Variants in C2CD2 observed in about 807,000 individuals in gnomAD.
C2CD2 encodes the protein C2 domain-containing protein 2.
Under a neutral mutation model 74.3 loss-of-function variants are expected in C2CD2, and 43 were observed. The observed-to-expected ratio is 0.58, with a 90% CI of 0.45 to 0.75. The LOEUF (loss-of-function observed/expected upper bound fraction) is 0.75. Ranked by LOEUF, C2CD2 falls within the 30% of genes least tolerant of loss-of-function variation. C2CD2 has a pLI of 0.00. For missense variants in C2CD2, 801 were observed against 916.3 expected, an observed-to-expected ratio of 0.87 and a Z score of 1.63; for synonymous variants, 422 against 390.7, an observed-to-expected ratio of 1.08 and a Z score of -0.94.
In C2CD2 at chr21:41,952,951, A is replaced by C. The variant is rs145657307; in HGVS notation, c.279+419T>G. On this transcript the variant is annotated intron_variant, in intron 1 of 13. Transcript: ENST00000380486. ...GTCTTTGGAGATAAATTCTTGGTGAAATTCAGCTCTATGAGAGGCGGAAGC... is the reference window on the plus strand; with the variant it reads ...GTCTTTGGAGATAAATTCTTGGTGACATTCAGCTCTATGAGAGGCGGAAGC... 2.3e-3 allele frequency: 402 copies of C among 176,036 alleles called. 2 individuals are homozygous for C. The highest frequency in any genetic ancestry group is 9.1e-3 in the African/African-American group (390 of 42,626). 10.9% of individuals were successfully genotyped at this position (176,036 alleles called of 1,614,324 possible).
intron 3 of C2CD2, 57 bp from the exon 4 acceptor site, chr21:41,919,017 C>T (rs1017897444): frequency 3.7e-5 from 46 of 1,241,510 alleles, no homozygotes; most frequent in African/African-American, 1.8e-4. Context: ...TTAATGTGCA[C>T]GTGCGTGTGC....
intron 13 of C2CD2, among the ~76,000 whole-genome samples, chr21:41,890,599 G>A (rs972878253): frequency 7.9e-5 from 12 of 152,214 alleles, no homozygotes; most frequent in African/African-American, 2.7e-4. Context: ...AAGAAGACAG[G>A]TCTGATCATC....
At chr21:41,921,011 A>G (rs2065149017) in intron 3 of C2CD2, among the ~76,000 whole-genome samples, 1 of 152,210 alleles carries the variant, frequency 6.6e-6, no homozygotes, top group Admixed American at 6.5e-5. Flanking sequence ...CACCTCTTCA[A>G]TTCCCTCAAA....
At chr21:41,921,537 T>C (rs939646114) in intron 3 of C2CD2, among the ~76,000 whole-genome samples, 6 of 152,196 alleles carry the variant, frequency 3.9e-5, no homozygotes, top group African/African-American at 1.4e-4. Context: ...ATAAAAATAA[T>C]AAGGGGGTTC....
At position 41,907,146 on chromosome 21, in the gene C2CD2, A is replaced by G. The variant is rs1178457112; in HGVS notation, c.1164T>C (p.Gly388=). ...VTAEFSYMEP[G]ELKSWPIPPP... ...GAGGGATGGGCCAGGATTTCAATTC[A>G]CCAGGTTCCATGTAAGAGAACTGCA... Residue 388 remains glycine (G), a synonymous_variant, in exon 10 of 14, where the codon GGT becomes GGC. Coordinates refer to ENST00000380486, the MANE Select transcript of C2CD2 (RefSeq NM_015500.2). The G allele has an allele frequency of 1.2e-6, 2 of 1,614,046 alleles. No homozygotes were observed. The highest frequency in any genetic ancestry group is 1.7e-5 in the Admixed American group (1 of 60,012).
chr21:41,951,354 C>T lies in C2CD2; in HGVS notation c.279+2016G>A, dbSNP rs117855191. Among the ~76,000 whole-genome samples the T allele has an allele frequency of 9.7e-4, 138 of 141,706 alleles. 1 individual carries two copies. In the East Asian group the frequency reaches 0.03, roughly 30 times the overall value. The allele number at this position is 141,706 out of a possible 152,430, so 93.0% of individuals were successfully genotyped here. A position where few individuals can be genotyped will look rare whatever the true frequency, so the allele number is the denominator to read the frequency against. On this transcript the variant is annotated intron_variant, in intron 1 of 13. Transcript: ENST00000380486. ...CATTCCCAGGCATCAGGGCTGTGTTCCCCCACCCCCGTCCCCAGGAAAGTA... is the reference window on the plus strand; with the variant it reads ...CATTCCCAGGCATCAGGGCTGTGTTTCCCCACCCCCGTCCCCAGGAAAGTA...
intron 6 of C2CD2, 41 bp downstream of exon 6, chr21:41,914,557 G>C (rs374934745): frequency 1.3e-6 from 2 of 1,597,544 alleles, no homozygotes; most frequent in South Asian, 2.2e-5. Flanking sequence ...TCAGGGGCTG[G>C]AAGAGCCCCT....
intron 13 of C2CD2, among the ~76,000 whole-genome samples, chr21:41,897,017 G>A (rs778356516): frequency 6.6e-5 from 10 of 152,200 alleles, no homozygotes; most frequent in African/African-American, 1.4e-4. Context: ...CCGAGCCTCC[G>A]GCAAGTTCTG....
chr21:41,941,685 C>G (rs138430872), intron 2 of C2CD2, among the ~76,000 whole-genome samples: 19 of 152,312 alleles, frequency 1.2e-4, no homozygotes, highest in Non-Finnish European at 2.5e-4. Flanking sequence ...CTACAACTAT[C>G]ACCACCATCA....
intron 2 of C2CD2, among the ~76,000 whole-genome samples, chr21:41,927,447 C>T (rs13052308): frequency 0.23 from 34,585 of 151,804 alleles, 5,012 homozygotes; most frequent in Non-Finnish European, 0.31. Context: ...CGGGAACCAC[C>T]GCACCGGGCT....
chr21:41,907,116 A>G lies in C2CD2; in HGVS notation c.1194T>C (p.Pro398=). Residue 398 remains proline (P), a synonymous_variant, in exon 10 of 14, where the codon CCT becomes CCC. Transcript: ENST00000380486. ...CCTTTTCTATTTTTGCAGCAGGAAC[A>G]GGGGGAGGGATGGGCCAGGATTTCA... is the stretch of plus-strand genomic sequence containing the variant. ...GELKSWPIPP[P]VPAAKIEKDR... 1 of 1,614,026 alleles carries G rather than the reference A, an allele frequency of 6.2e-7. No homozygotes were observed. Among genetic ancestry groups the G allele is most frequent in the African/African-American group, 1.3e-5 (1 of 75,068 alleles).
In C2CD2 at chr21:41,899,497, A is replaced by T. The variant is rs1881112684; in HGVS notation, c.1561-135T>A. Reference sequence around the variant, plus strand: ...CAGAAGATGCAGCCGTGGGCCTCATAGAAGGCGCTTATACATCACGGCCGT... The same window carrying T: ...CAGAAGATGCAGCCGTGGGCCTCATTGAAGGCGCTTATACATCACGGCCGT... On this transcript the variant is annotated intron_variant, in intron 12 of 13. Transcript: ENST00000380486. The surrounding 1 kb of genome is among the most constrained non-coding windows in gnomAD (Gnocchi z 4.4). The T allele has an allele frequency of 4.9e-6, 4 of 814,892 alleles. No homozygotes were observed. Among genetic ancestry groups the T allele is most frequent in the Non-Finnish European group, 1.9e-6 (1 of 524,536 alleles). The allele number at this position is 814,892 out of a possible 1,614,324, so 50.5% of individuals were successfully genotyped here. A position where few individuals can be genotyped will look rare whatever the true frequency, so the allele number is the denominator to read the frequency against.
At chr21:41,894,597 C>T (rs1237083843) in intron 13 of C2CD2, 1 of 454,398 alleles carries the variant, frequency 2.2e-6, no homozygotes, top group Non-Finnish European at 4.4e-6. Flanking sequence ...CCCGTGGGGT[C>T]TCATGGAGCA....
At position 41,918,873 on chromosome 21, in the gene C2CD2, G is replaced by C; in HGVS notation, c.580C>G (p.Pro194Ala). 2 of 1,613,810 alleles carry C rather than the reference G, an allele frequency of 1.2e-6. 1 individual carries two copies. The highest frequency in any genetic ancestry group is 2.2e-5 in the South Asian group (2 of 91,070). The stretch of plus-strand genomic sequence containing the variant: ...GGACTGACCTCCCCCAGTGCTTTGG[G>C]CTGGATATTAACGGCCATTTCCGGC... ...SVPEMAVNIQ[P>A]KALGEDQVAE... The change falls in exon 4 of 14, where the codon CCC (proline) becomes GCC (alanine). Residue 194 changes from proline to alanine, a missense_variant. Transcript: ENST00000380486.
At chr21:41,902,722 G>A (rs376724555) in intron 11 of C2CD2, among the ~76,000 whole-genome samples, 2 of 152,140 alleles carry the variant, frequency 1.3e-5, no homozygotes, top group South Asian at 2.1e-4. Flanking sequence ...GCCAAGAACC[G>A]GTGACAACAG....
intron 12 of C2CD2, among the ~76,000 whole-genome samples, chr21:41,900,157 C>T (rs2064876736): frequency 1.3e-5 from 2 of 152,084 alleles, no homozygotes; most frequent in African/African-American, 4.8e-5. Context: ...GCCTGTACTC[C>T]CAGCTACTCA....
At chr21:41,919,086 G>A in intron 3 of C2CD2, 126 bp from the exon 4 acceptor site, 1 of 703,608 alleles carries the variant, frequency 1.4e-6, no homozygotes, top group Admixed American at 2.2e-5. Flanking sequence ...GTCTATGTGA[G>A]CATATATGAG....
intron 1 of C2CD2, among the ~76,000 whole-genome samples, chr21:41,951,635 TAAAAAGTTTTCATCCA>T (rs372762692): frequency 3.3e-5 from 5 of 152,188 alleles, no homozygotes; most frequent in African/African-American, 1.2e-4. Flanking sequence ...AAGACTCAAG[TAAAAAGTTTTCATCCA>T]AAACTTTCAA....
At chr21:41,911,388 C>CTTTTTTTTTTTTTTTTTTTTTT (rs58934224) in intron 7 of C2CD2, among the ~76,000 whole-genome samples, 2 of 116,746 alleles carry the variant, frequency 1.7e-5, no homozygotes, top group African/African-American at 6.5e-5. Flanking sequence ...TATCTCGATT[C>CTTTTTTTTTTTTTTTTTTTTTT]TTTTTTTTTT....
Sources: allele counts gnomAD v4.1 joint callset (sites outside exome capture counted in the v4.1 genomes callset), GRCh38; gene constraint gnomAD v4.1.1; non-coding constraint Gnocchi (gnomAD v3.1); transcripts MANE v1.5; gene names NCBI Gene and HGNC (gene_info 2026-07-23, HGNC 2026-07-21).